Variants in TACR1 observed in about 807,000 individuals in gnomAD.
The protein encoded by TACR1 is substance-P receptor.
In TACR1, 25 loss-of-function variants were observed where a neutral mutation model predicts 35.8. The observed-to-expected ratio is 0.70, with a 90% CI of 0.51 to 0.98. The LOEUF (loss-of-function observed/expected upper bound fraction) is 0.98, where lower values mean the gene tolerates loss of function less well. Ranked by LOEUF, TACR1 falls within the 50% of genes least tolerant of loss-of-function variation. TACR1 has a pLI of 0.00. For missense variants in TACR1, 478 were observed against 522.9 expected (o/e 0.91, Z 0.84); for synonymous variants, 195 against 206.7 (o/e 0.94, Z 0.48).
chr2:75,070,803 C>A (rs777562252), intron 2 of TACR1, among the ~76,000 whole-genome samples: 1 of 152,232 alleles, frequency 6.6e-6, no homozygotes, highest in African/African-American at 2.4e-5. Flanking sequence ...TGGTGAGTGG[C>A]AGAGGTCAGA....
chr2:75,093,165 C>T (rs1388779438), intron 2 of TACR1, among the ~76,000 whole-genome samples: 2 of 152,188 alleles, frequency 1.3e-5, no homozygotes, highest in Non-Finnish European at 2.9e-5. Flanking sequence ...TTACAATTTA[C>T]AACAGCCTAC....
intron 2 of TACR1, among the ~76,000 whole-genome samples, chr2:75,064,558 T>G (rs1287898964): frequency 6.6e-6 from 1 of 152,112 alleles, no homozygotes; most frequent in Non-Finnish European, 1.5e-5. Context: ...ATATTAAGCA[T>G]GACAGAAAGA....
At chr2:75,158,702 T>C (rs185786076) in intron 1 of TACR1, among the ~76,000 whole-genome samples, 2 of 152,340 alleles carry the variant, frequency 1.3e-5, no homozygotes, top group East Asian at 3.9e-4. Flanking sequence ...AGCTGGGACC[T>C]GAAAGCTGAG....
Position 75,198,706 on chromosome 2 carries a change from C to T in TACR1, c.229G>A (p.Ala77Thr), listed in dbSNP as rs1321606135. 1.9e-6 allele frequency: 3 copies of T among 1,614,198 alleles called. No individual in the cohort carries two copies. Among genetic ancestry groups the T allele is most frequent in the South Asian group, 1.1e-5 (1 of 91,082 alleles). ...TTGAATGCAGCCATGGAGGCCTCCG[C>T]GAAGGCCAGGTTCACCAGAAAATAG... ...TNYFLVNLAFAEASMAAFNTV... is the reference protein window; with the variant it reads ...TNYFLVNLAFTEASMAAFNTV... The change falls in exon 1 of 5, where the codon GCG becomes ACG. Residue 77 changes from alanine to threonine, a missense_variant. By Grantham distance (58) the Ala-to-Thr change is moderately conservative. Transcript: ENST00000305249.
At chr2:75,145,700 C>G (rs1674495645) in intron 1 of TACR1, among the ~76,000 whole-genome samples, 1 of 152,074 alleles carries the variant, frequency 6.6e-6, no homozygotes, top group Non-Finnish European at 1.5e-5. Flanking sequence ...TATTCCTTTA[C>G]TAAAAGAAAT....
intron 1 of TACR1, among the ~76,000 whole-genome samples, chr2:75,192,432 G>A (rs755557129): frequency 6.6e-5 from 10 of 152,192 alleles, no homozygotes; most frequent in Non-Finnish European, 1.3e-4. Context: ...ATAATTTATT[G>A]AATTTAACAA....
intron 1 of TACR1, among the ~76,000 whole-genome samples, chr2:75,181,594 A>C (rs187803460): frequency 6.6e-6 from 1 of 152,198 alleles, no homozygotes; most frequent in Non-Finnish European, 1.5e-5. Context: ...TCAAATTCCA[A>C]TAATGCTCAG....
intron 1 of TACR1, among the ~76,000 whole-genome samples, chr2:75,160,537 A>G (rs911109523): frequency 2.0e-5 from 3 of 152,040 alleles, no homozygotes; most frequent in African/African-American, 7.2e-5. Context: ...AGGCAGGAAT[A>G]AAGAATGATT....
intron 2 of TACR1, among the ~76,000 whole-genome samples, chr2:75,090,317 T>G (rs919643755): frequency 1.4e-4 from 21 of 152,234 alleles, no homozygotes; most frequent in Admixed American, 3.3e-4. Context: ...CTCTTAAAAT[T>G]TAATCTGAAA....
intron 2 of TACR1, among the ~76,000 whole-genome samples, chr2:75,108,147 C>T (rs1673686747): frequency 6.6e-6 from 1 of 152,050 alleles, no homozygotes. Context: ...AATTCCAATG[C>T]TATTTTGGAA....
rs146361027 is a variant in TACR1 at position 75,089,462 on chromosome 2, C to T, written c.584+31112G>A. On this transcript the variant is annotated intron_variant, in intron 2 of 4. Coordinates refer to ENST00000305249, the MANE Select transcript of TACR1 (RefSeq NM_001058.4). The stretch of plus-strand genomic sequence containing the variant: ...ACAGAAAGACAAACCATTGAGATTA[C>T]GTTAAACATGAGCGGGTTAAGAGCA... Among the ~76,000 whole-genome samples, 709 of 152,238 alleles carry T rather than the reference C, an allele frequency of 4.7e-3. 6 individuals carry two copies. Among genetic ancestry groups the T allele is most frequent in the African/African-American group, 0.016 (657 of 41,540 alleles).
chr2:75,171,531 C>G (rs1675283233), intron 1 of TACR1, among the ~76,000 whole-genome samples: 1 of 152,106 alleles, frequency 6.6e-6, no homozygotes, highest in Non-Finnish European at 1.5e-5. Flanking sequence ...TCCTTCAGAC[C>G]CCAGAGTAGA....
chr2:75,124,100 G>A (rs1171385427), intron 1 of TACR1, among the ~76,000 whole-genome samples: 1 of 152,166 alleles, frequency 6.6e-6, no homozygotes. Context: ...TGTGGGATAT[G>A]GATTATGTTC....
chr2:75,153,883 CA>C (rs1446906997), intron 1 of TACR1, among the ~76,000 whole-genome samples: 1 of 151,202 alleles, frequency 6.6e-6, no homozygotes, highest in Admixed American at 6.6e-5. Flanking sequence ...GTATTCTAAT[CA>C]GATTCATTAA....
chr2:75,065,962 G>C (rs1288026194), intron 2 of TACR1, among the ~76,000 whole-genome samples: 2 of 152,170 alleles, frequency 1.3e-5, no homozygotes, highest in East Asian at 3.9e-4. Flanking sequence ...CTGATGCTAA[G>C]TGCCCATTCT....
At chr2:75,055,640 C>T (rs1238123316) in intron 2 of TACR1, among the ~76,000 whole-genome samples, 1 of 152,222 alleles carries the variant, frequency 6.6e-6, no homozygotes, top group Admixed American at 6.5e-5. Context: ...AACATGTTAG[C>T]TGAGCTTTGC....
intron 2 of TACR1, among the ~76,000 whole-genome samples, chr2:75,120,016 C>T (rs1437728205): frequency 6.6e-6 from 1 of 152,150 alleles, no homozygotes. Context: ...ACACACTCCC[C>T]TGAGGGGTGA....
chr2:75,115,996 T>G (rs1673849392), intron 2 of TACR1, among the ~76,000 whole-genome samples: 1 of 150,152 alleles, frequency 6.7e-6, no homozygotes, highest in African/African-American at 2.5e-5. Context: ...ACAAGGTGCA[T>G]AACAGTGTGC....
rs1356490624 is a variant in TACR1 at position 75,049,134 on chromosome 2, A to C, written c.*298T>G. ...GAAATGAGCACTCGCATGCAGCCAA[A>C]GTCACTTCCAGAATGGAATGAATGG... On this transcript the variant is annotated 3_prime_UTR_variant, in exon 5 of 5. Transcript: ENST00000305249. The C allele has an allele frequency of 2.7e-6, 1 of 364,998 alleles. No homozygotes were observed. The highest frequency in any genetic ancestry group is 4.8e-5 in the East Asian group (1 of 20,682). The allele number at this position is 364,998 out of a possible 1,614,324, so 22.6% of individuals were successfully genotyped here. A position where few individuals can be genotyped will look rare whatever the true frequency, so the allele number is the denominator to read the frequency against.
Sources: allele counts gnomAD v4.1 joint callset (sites outside exome capture counted in the v4.1 genomes callset), GRCh38; gene constraint gnomAD v4.1.1; transcripts MANE v1.5; gene names NCBI Gene and HGNC (gene_info 2026-07-23, HGNC 2026-07-21).